Variants in MNT observed in about 807,000 individuals in gnomAD.
The protein encoded by MNT is max-binding protein MNT.
MNT carries 13 observed loss-of-function variants against 40.7 expected under a neutral mutation model. The ratio of observed to expected loss-of-function variants is 0.32; its 90% CI spans 0.21 to 0.51. MNT has a LOEUF of 0.51. MNT is among the 20% of genes least tolerant of loss of function. The pLI is 0.98. For missense variants in MNT, 757 were observed against 792.0 expected, an observed-to-expected ratio of 0.96 and a Z score of 0.53; for synonymous variants, 426 against 354.8, an observed-to-expected ratio of 1.20 and a Z score of -2.26.
Position 2,387,217 on chromosome 17 carries a change from G to A in MNT, c.1433C>T (p.Ala478Val), listed in dbSNP as rs1385965251. ...GGGTGTGGCAGGCGCCAGTTGCACCGCAGGGCTGGGGGCCGAGGGGGCGAT... is the reference window on the plus strand; with the variant it reads ...GGGTGTGGCAGGCGCCAGTTGCACCACAGGGCTGGGGGCCGAGGGGGCGAT... The part of the protein sequence containing the change: ...AHIAPSAPSP[A>V]VQLAPATPPI... The change falls in exon 6 of 6, where the codon GCG (alanine) becomes GTG (valine). Residue 478 changes from alanine (A) to valine (V), a missense_variant. Ala to Val is a moderately conservative substitution (Grantham distance 64). Around this residue, in one of 4 missense-constraint regions of MNT, gnomAD observed 345 missense variants for 380.1 expected, o/e 0.91. Coordinates refer to ENST00000174618, the MANE Select transcript of MNT (RefSeq NM_020310.3). 8.7e-6 allele frequency: 14 copies of A among 1,609,872 alleles called. No individual in the cohort carries two copies. In the South Asian group the frequency reaches 8.8e-5, roughly 10 times the overall value.
chr17:2,395,016 G>A lies in MNT; in HGVS notation c.512C>T (p.Thr171Met), dbSNP rs751847898. 6.2e-6 allele frequency: 10 copies of A among 1,600,316 alleles called. No homozygotes were observed. Among genetic ancestry groups the A allele is most frequent in the South Asian group, 1.1e-5 (1 of 88,942 alleles). ...GSPKPLQPLPTPVLTIAPHPG... is the reference protein window; with the variant it reads ...GSPKPLQPLPMPVLTIAPHPG... ...GTGTGGCGCTATGGTCAGGACAGGCGTGGGGAGGGGCTGCAAAGGCTTGGG... is the reference window on the plus strand; with the variant it reads ...GTGTGGCGCTATGGTCAGGACAGGCATGGGGAGGGGCTGCAAAGGCTTGGG... Residue 171 changes from threonine (T) to methionine (M), a missense_variant, in exon 2 of 6, where the codon ACG becomes ATG. Around this residue, in one of 4 missense-constraint regions of MNT, gnomAD observed 335 missense variants for 291.4 expected, o/e 1.15. Coordinates refer to ENST00000174618, the MANE Select transcript of MNT (RefSeq NM_020310.3).
In MNT at chr17:2,395,036, C is replaced by G. The variant is rs1001250384; in HGVS notation, c.492G>C (p.Lys164Asn). The G allele has an allele frequency of 3.8e-6, 6 of 1,586,480 alleles. No individual in the cohort carries two copies. The African/African-American group carries it at 6.7e-5, about 18-fold the overall frequency. Residue 164 changes from lysine to asparagine, a missense_variant, in exon 2 of 6, where the codon AAG (lysine) becomes AAC (asparagine). Coordinates refer to ENST00000174618, the MANE Select transcript of MNT (RefSeq NM_020310.3). ...KATIPPNGSP[K>N]PLQPLPTPVL... is the part of the protein sequence containing the mutation. ...CAGGCGTGGGGAGGGGCTGCAAAGG[C>G]TTGGGGCTGCCATTGGGTGGAATGG... is the stretch of plus-strand genomic sequence containing the variant.
rs1555611876 is a variant in MNT at position 2,394,277 on chromosome 17, G to GCGCACACACA, written c.695+27_695+28insTGTGTGTGCG. 1.1e-3 allele frequency: 1,636 copies of GCGCACACACA among 1,489,230 alleles called. 9 individuals are homozygous for GCGCACACACA. The African/African-American group carries it at 0.018, about 16-fold the overall frequency. 92.3% of individuals were successfully genotyped at this position (1,489,230 alleles called of 1,614,324 possible). A position where few individuals can be genotyped will look rare whatever the true frequency, so the allele number is the denominator to read the frequency against. On this transcript the variant is annotated intron_variant, in intron 3 of 5. Transcript: ENST00000174618. ...CCGGGTCGCGCGCGCACGCACGCACGCACACACACACACACACACACACAC... is the reference window on the plus strand; with the variant it reads ...CCGGGTCGCGCGCGCACGCACGCACGCGCACACACACACACACACACACACACACACACAC...
Position 2,395,017 on chromosome 17 carries a change from T to C in MNT, c.511A>G (p.Thr171Ala). ...TGTGGCGCTATGGTCAGGACAGGCGTGGGGAGGGGCTGCAAAGGCTTGGGG... is the reference window on the plus strand; with the variant it reads ...TGTGGCGCTATGGTCAGGACAGGCGCGGGGAGGGGCTGCAAAGGCTTGGGG... ...GSPKPLQPLP[T>A]PVLTIAPHPG... is the part of the protein sequence containing the mutation. The change falls in exon 2 of 6, where the codon ACG (threonine) becomes GCG (alanine). Residue 171 changes from threonine to alanine, a missense_variant. This residue lies in a region of MNT where 335 missense variants were observed against 291.4 expected (regional missense o/e 1.15). Coordinates refer to ENST00000174618, the MANE Select transcript of MNT (RefSeq NM_020310.3). The C allele has an allele frequency of 6.3e-7, 1 of 1,598,722 alleles. No individual in the cohort carries two copies. Among genetic ancestry groups the C allele is most frequent in the Non-Finnish European group, 8.5e-7 (1 of 1,173,598 alleles).
At position 2,400,653 on chromosome 17, in the gene MNT, T is replaced by A; in HGVS notation, c.60A>T (p.Gln20His). The A allele has an allele frequency of 6.3e-7, 1 of 1,586,154 alleles. No homozygotes were observed. The highest frequency in any genetic ancestry group is 8.6e-7 in the Non-Finnish European group (1 of 1,169,578). ...CCGGCCGCTCACCACGTGCTCTCTG[T>A]TGTTGCTGCGCTTGCCATTCCAGGA... ...ARFLEWQAQQQQRAREEQERL... is the reference protein window; with the variant it reads ...ARFLEWQAQQHQRAREEQERL... The change falls in exon 1 of 6, where the codon CAA becomes CAT. Residue 20 changes from glutamine to histidine, a missense_variant. Physicochemically the swap from Gln to His is conservative, Grantham distance 24. Around this residue, in one of 4 missense-constraint regions of MNT, gnomAD observed 335 missense variants for 291.4 expected, o/e 1.15. Coordinates refer to ENST00000174618, the MANE Select transcript of MNT (RefSeq NM_020310.3).
At chr17:2,397,243 C>G (rs1270565565) in intron 1 of MNT, among the ~76,000 whole-genome samples, 2 of 152,134 alleles carry the variant, frequency 1.3e-5, no homozygotes, top group Admixed American at 6.5e-5. Context: ...ACCAGCCCTG[C>G]GCTCCCGCTT....
intron 5 of MNT, 66 bp from the exon 6 acceptor site, chr17:2,387,715 T>G: frequency 1.9e-6 from 3 of 1,591,626 alleles, no homozygotes; most frequent in Middle Eastern, 3.3e-4. Flanking sequence ...GAGGCGTAGA[T>G]GCTCGTGGGG....
Position 2,384,587 on chromosome 17 carries a change from C to CGTGTGCGTGCGTGTGT in MNT, c.*2298_*2313dup, listed in dbSNP as rs2066439650. The CGTGTGCGTGCGTGTGT allele has an allele frequency of 7.9e-6, 1 of 126,806 alleles. No homozygotes were observed. Among genetic ancestry groups the CGTGTGCGTGCGTGTGT allele is most frequent in the Non-Finnish European group, 1.7e-5 (1 of 58,234 alleles). The allele number at this position is 126,806 out of a possible 1,614,324, so 7.9% of individuals were successfully genotyped here. A position where few individuals can be genotyped will look rare whatever the true frequency, so the allele number is the denominator to read the frequency against. On this transcript the variant is annotated 3_prime_UTR_variant, in exon 6 of 6. Coordinates refer to ENST00000174618, the MANE Select transcript of MNT (RefSeq NM_020310.3). ...ACACGCATGAGAGGTAAGATGTGTGCGTGTGCGTGCGTGTGTGTGTGTGTG... is the reference window on the plus strand; with the variant it reads ...ACACGCATGAGAGGTAAGATGTGTGCGTGTGCGTGCGTGTGTGTGTGCGTGCGTGTGTGTGTGTGTG...
rs2066456265 is a variant in MNT, at chr17:2,386,075, T to G, written c.*826A>C. The G allele has an allele frequency of 6.6e-6, 1 of 152,266 alleles. No individual in the cohort carries two copies. 9.4% of individuals were successfully genotyped at this position (152,266 alleles called of 1,614,324 possible). A position where few individuals can be genotyped will look rare whatever the true frequency, so the allele number is the denominator to read the frequency against. ...CTGGGGACTGGGGACAGGGGCCCAG[T>G]GGCTCTCCTCCCATCCAGACCCAGG... On this transcript the variant is annotated 3_prime_UTR_variant, in exon 6 of 6. Transcript: ENST00000174618.
intron 1 of MNT, among the ~76,000 whole-genome samples, chr17:2,400,070 G>A (rs1239491020): frequency 6.6e-6 from 1 of 152,222 alleles, no homozygotes; most frequent in African/African-American, 2.4e-5. Context: ...CAAGCGGCGC[G>A]TAGATCTGCC....
rs1163434037 is a variant in MNT, at chr17:2,387,427, G to A, written c.1223C>T (p.Pro408Leu). 1 of 1,612,114 alleles carries A rather than the reference G, an allele frequency of 6.2e-7. No homozygotes were observed. Among genetic ancestry groups the A allele is most frequent in the Admixed American group, 1.7e-5 (1 of 59,872 alleles). Residue 408 changes from proline (P) to leucine (L), a missense_variant, in exon 6 of 6, where the codon CCT becomes CTT. Physicochemically the swap from Pro to Leu is moderately conservative, Grantham distance 98. Around this residue, in one of 4 missense-constraint regions of MNT, gnomAD observed 345 missense variants for 380.1 expected, o/e 0.91. Coordinates refer to ENST00000174618, the MANE Select transcript of MNT (RefSeq NM_020310.3). ...VQQQQPQQKT[P>L]LPAPPPPPAA... ...CGGTGGGGGAGGAGGGGCTGGCAGA[G>A]GGGTCTTCTGCTGTGGCTGCTGCTG...
chr17:2,399,662 C>T (rs905937845), intron 1 of MNT, among the ~76,000 whole-genome samples: 1 of 152,086 alleles, frequency 6.6e-6, no homozygotes, highest in African/African-American at 2.4e-5. Flanking sequence ...AGGCCCCGCC[C>T]CCGGCCGAGC....
intron 4 of MNT, chr17:2,392,750 C>G (rs945117926): frequency 2.0e-5 from 3 of 152,028 alleles, no homozygotes; most frequent in Middle Eastern, 3.4e-3. Context: ...CACCGCCCTC[C>G]GCGACTCGAG....
At position 2,395,466 on chromosome 17, in the gene MNT, G is replaced by A. The variant is rs2066570397; in HGVS notation, c.74-12C>T. 1 of 1,609,476 alleles carries A rather than the reference G, an allele frequency of 6.2e-7. No homozygotes were observed. The highest frequency in any genetic ancestry group is 1.7e-5 in the Admixed American group (1 of 59,954). On this transcript the variant is annotated splice_polypyrimidine_tract_variant and intron_variant, in intron 1 of 5. Coordinates refer to ENST00000174618, the MANE Select transcript of MNT (RefSeq NM_020310.3). ...CCGCTCCTGCTCCTCTACACAGAGA[G>A]AACACAAGGGGGGGAGGGTCTCAGC...
intron 4 of MNT, 196 bp from the exon 5 acceptor site, chr17:2,388,245 G>C (rs2066484520): frequency 1.8e-6 from 1 of 561,640 alleles, no homozygotes; most frequent in Non-Finnish European, 3.1e-6. Flanking sequence ...GCGTCCCAAG[G>C]AGTGTGGGCT....
rs2066446362 is a variant in MNT at position 2,385,017 on chromosome 17, TCA to T, written c.*1882_*1883del. 6.6e-6 allele frequency: 1 copy of T among 152,138 alleles called. No individual in the cohort carries two copies. The highest frequency in any genetic ancestry group is 2.1e-4 in the South Asian group (1 of 4,820). The allele number at this position is 152,138 out of a possible 1,614,324, so 9.4% of individuals were successfully genotyped here. On this transcript the variant is annotated 3_prime_UTR_variant, in exon 6 of 6. Transcript: ENST00000174618. Reference sequence around the variant, plus strand: ...CCGTGGGTCAGGCCTGCCATCGCTGTCACAATGGGAATAGCAAAGCTGGCTCT... The same window carrying T: ...CCGTGGGTCAGGCCTGCCATCGCTGTCAATGGGAATAGCAAAGCTGGCTCT...
At chr17:2,394,275 A>ACGCG (rs372744565) in intron 3 of MNT, 30 bp downstream of exon 3, 517 of 1,515,504 alleles carry the variant, frequency 3.4e-4, no homozygotes, top group Middle Eastern at 7.9e-4. Flanking sequence ...GCACGCACGC[A>ACGCG]CGCACACACA....
At chr17:2,392,104 C>G (rs929569817) in intron 4 of MNT, 3 of 152,196 alleles carry the variant, frequency 2.0e-5, no homozygotes, top group African/African-American at 7.2e-5. Context: ...GAACAGATCC[C>G]GCCGCCCGGT....
chr17:2,394,180 A>C, intron 3 of MNT, 26 bp from the exon 4 acceptor site: 1 of 1,566,886 alleles, frequency 6.4e-7, no homozygotes, highest in Non-Finnish European at 8.7e-7. Context: ...AGCGCCGGTC[A>C]GCGGTGCCTG....
Sources: gnomAD v4.1 joint callset for allele counts (sites outside exome capture counted in the v4.1 genomes callset) on GRCh38, gnomAD v4.1.1 for gene constraint, gnomAD v4.1.1 regional missense constraint, MANE v1.5 for transcripts, NCBI Gene and HGNC (gene_info 2026-07-23, HGNC 2026-07-21) for gene names.